The following ARHGEF37 variants were observed in gnomAD, a reference collection of about 807,000 sequenced individuals.
ARHGEF37 encodes Rho guanine nucleotide exchange factor (GEF) 37.
Under a neutral mutation model 71.1 loss-of-function variants are expected in ARHGEF37, and 55 were observed. The ratio of observed to expected loss-of-function variants is 0.77; its 90% CI spans 0.62 to 0.97. The LOEUF is 0.97. Among genes scored for constraint, ARHGEF37 ranks in the 50% least tolerant of loss-of-function variants. The pLI, the probability that ARHGEF37 is intolerant of heterozygous loss-of-function variation, is 0.00. For missense variants in ARHGEF37, 765 were observed against 836.8 expected (o/e 0.91, Z 1.06); for synonymous variants, 327 against 350.6 (o/e 0.93, Z 0.75).
intron 1 of ARHGEF37, among the ~76,000 whole-genome samples, chr5:149,586,383 T>C (rs1763238212): frequency 6.6e-6 from 1 of 152,244 alleles, no homozygotes; most frequent in Non-Finnish European, 1.5e-5. Context: ...TGCCTCAGCC[T>C]CCCGAGCTGG....
At chr5:149,628,607 A>T (rs529536047) in intron 11 of ARHGEF37, among the ~76,000 whole-genome samples, 5 of 152,140 alleles carry the variant, frequency 3.3e-5, no homozygotes, top group Non-Finnish European at 5.9e-5. Flanking sequence ...GTAGGGAATG[A>T]GCCCCCCATC....
chr5:149,558,053 A>T (rs1167532650), intron 1 of ARHGEF37, among the ~76,000 whole-genome samples: 1 of 151,916 alleles, frequency 6.6e-6, no homozygotes, highest in Non-Finnish European at 1.5e-5. Context: ...TTTAGTAGAG[A>T]TGGGCAGAGA....
intron 1 of ARHGEF37, 81 bp from the exon 2 acceptor site, chr5:149,597,678 G>T: frequency 7.7e-7 from 1 of 1,302,614 alleles, no homozygotes; most frequent in South Asian, 1.7e-5. Flanking sequence ...GCCTCTTGAT[G>T]AGTAATTGTC....
intron 6 of ARHGEF37, 56 bp downstream of exon 6, chr5:149,618,362 T>G: frequency 1.2e-6 from 2 of 1,610,384 alleles, no homozygotes; most frequent in Non-Finnish European, 1.7e-6. Context: ...GGCCAGGCCC[T>G]GCACAGTGGG....
chr5:149,630,996 T>C (rs1296670128), intron 12 of ARHGEF37, among the ~76,000 whole-genome samples: 1 of 152,192 alleles, frequency 6.6e-6, no homozygotes, highest in African/African-American at 2.4e-5. Flanking sequence ...ATTCTCTCAA[T>C]GTCCTGAAGG....
intron 3 of ARHGEF37, among the ~76,000 whole-genome samples, chr5:149,608,532 C>T (rs780763515): frequency 8.9e-4 from 136 of 152,010 alleles, no homozygotes; most frequent in Admixed American, 1.8e-3. Flanking sequence ...ACCATCACAC[C>T]CGGCTAATTT....
intron 2 of ARHGEF37, 90 bp downstream of exon 2, chr5:149,598,045 C>T (rs187103454): frequency 1.4e-6 from 2 of 1,440,140 alleles, no homozygotes; most frequent in Admixed American, 2.8e-5. Context: ...CTGGGGCAAG[C>T]TTGACAGAAA....
At chr5:149,584,251 A>C (rs560063926) in intron 1 of ARHGEF37, among the ~76,000 whole-genome samples, 1 of 152,164 alleles carries the variant, frequency 6.6e-6, no homozygotes, top group Non-Finnish European at 1.5e-5. Flanking sequence ...TAGGCCTTCC[A>C]AATAGAACTG....
At chr5:149,585,902 C>A (rs1314421993) in intron 1 of ARHGEF37, among the ~76,000 whole-genome samples, 1 of 152,274 alleles carries the variant, frequency 6.6e-6, no homozygotes, top group East Asian at 1.9e-4. Context: ...CCAAGAAGAA[C>A]CAAGAGTTGT....
intron 3 of ARHGEF37, among the ~76,000 whole-genome samples, chr5:149,609,308 G>A (rs562254715): frequency 6.6e-6 from 1 of 152,262 alleles, no homozygotes; most frequent in East Asian, 1.9e-4. Flanking sequence ...TTTAGTAAGT[G>A]CTCACAGTTT....
At chr5:149,560,103 T>C (rs1388421669) in intron 1 of ARHGEF37, among the ~76,000 whole-genome samples, 1 of 152,020 alleles carries the variant, frequency 6.6e-6, no homozygotes, top group East Asian at 1.9e-4. Context: ...AATCTCATGT[T>C]TTTTTGTTTG....
chr5:149,598,798 AGATATATATATG>A, intron 2 of ARHGEF37, among the ~76,000 whole-genome samples: 2 of 139,508 alleles, frequency 1.4e-5, no homozygotes, highest in African/African-American at 2.5e-5. Flanking sequence ...ATAGATATAT[AGATATATATATG>A]TGTGTGTGTG....
intron 1 of ARHGEF37, among the ~76,000 whole-genome samples, chr5:149,553,905 C>T (rs556873750): frequency 2.6e-5 from 4 of 152,308 alleles, no homozygotes; most frequent in Non-Finnish European, 4.4e-5. Context: ...CAGTGGCTCA[C>T]ACCTGTAATC....
intron 1 of ARHGEF37, among the ~76,000 whole-genome samples, chr5:149,556,554 A>G (rs759014977): frequency 6.6e-6 from 1 of 151,840 alleles, no homozygotes; most frequent in African/African-American, 2.4e-5. Context: ...CACCCAGCTA[A>G]TTTTGTATTT....
In ARHGEF37 at chr5:149,589,656, C is replaced by A. The variant is rs142569694; in HGVS notation, c.-12+8032C>A. 4.0e-3 allele frequency among the ~76,000 whole-genome samples: 611 copies of A among 152,104 alleles called. 7 individuals carry two copies. The highest frequency in any genetic ancestry group is 0.013 in the African/African-American group (560 of 41,484). ...CTGGGATTACAGGTACCCGCCATCACGCCTGACTAATTTTTGTATTTTTAG... is the reference window on the plus strand; with the variant it reads ...CTGGGATTACAGGTACCCGCCATCAAGCCTGACTAATTTTTGTATTTTTAG... On this transcript the variant is annotated intron_variant, in intron 1 of 12. Coordinates refer to ENST00000333677, the MANE Select transcript of ARHGEF37 (RefSeq NM_001001669.3).
intron 5 of ARHGEF37, 85 bp from the exon 6 acceptor site, chr5:149,618,091 C>A: frequency 6.4e-7 from 1 of 1,563,490 alleles, no homozygotes; most frequent in Non-Finnish European, 8.7e-7. Context: ...AGGGCCCAAG[C>A]AGGTGCCCAG....
intron 3 of ARHGEF37, 65 bp from the exon 4 acceptor site, chr5:149,609,483 C>G (rs1764010223): frequency 6.3e-7 from 1 of 1,580,058 alleles, no homozygotes; most frequent in Non-Finnish European, 8.7e-7. Context: ...TACTGCCTCC[C>G]TGTTCCAAGC....
rs754332948 is a variant in ARHGEF37, at chr5:149,627,200, G to T, written c.1589G>T (p.Gly530Val). The change falls in exon 11 of 13, where the codon GGC becomes GTC. Residue 530 changes from glycine to valine, a missense_variant. By Grantham distance (109) the Gly-to-Val change is moderately radical. Around this residue, in one of 5 missense-constraint regions of ARHGEF37, gnomAD observed 390 missense variants for 407.4 expected, o/e 0.96. Transcript: ENST00000333677. ...ACTCTGGACCTGACTCTGCCTCGGGGCCAAATCGTGGCCATCCTTCAAAAC... is the reference window on the plus strand; with the variant it reads ...ACTCTGGACCTGACTCTGCCTCGGGTCCAAATCGTGGCCATCCTTCAAAAC... ...TGTLDLTLPRGQIVAILQNKD... is the reference protein window; with the variant it reads ...TGTLDLTLPRVQIVAILQNKD... 32 of 1,613,956 alleles carry T rather than the reference G, an allele frequency of 2.0e-5. No individual in the cohort carries two copies. The highest frequency in any genetic ancestry group is 2.5e-5 in the Non-Finnish European group (29 of 1,180,052).
chr5:149,596,031 A>G (rs947077385), intron 1 of ARHGEF37, among the ~76,000 whole-genome samples: 3 of 148,450 alleles, frequency 2.0e-5, no homozygotes, highest in African/African-American at 7.5e-5. Context: ...CTTGTCTCCT[A>G]TTCCTACCTG....
Sources: allele counts gnomAD v4.1 joint callset (sites outside exome capture counted in the v4.1 genomes callset), GRCh38; gene constraint gnomAD v4.1.1; regional missense constraint gnomAD v4.1.1; transcripts MANE v1.5; gene names NCBI Gene and HGNC (gene_info 2026-07-23, HGNC 2026-07-21).